TTC7A: variants seen among roughly 807,000 people sequenced by gnomAD.
TTC7A encodes the protein tetratricopeptide repeat domain 7A.
In TTC7A, 110 loss-of-function variants were observed where a neutral mutation model predicts 103.7. That is an observed-to-expected ratio of 1.06 (90% confidence interval 0.91 to 1.24). TTC7A has a LOEUF of 1.24. TTC7A is among the 50% of genes most tolerant of loss of function. TTC7A has a pLI of 0.00. For missense variants in TTC7A, 1,340 were observed against 1,116.3 expected (o/e 1.20, Z -2.86); for synonymous variants, 521 against 467.9 (o/e 1.11, Z -1.47).
At chr2:47,070,577 G>A (rs1241398303) in intron 19 of TTC7A, among the ~76,000 whole-genome samples, 1 of 152,216 alleles carries the variant, frequency 6.6e-6, no homozygotes, top group African/African-American at 2.4e-5. Context: ...GAGCCCCACA[G>A]TAACTAAGCG....
At chr2:46,995,793 A>G (rs1375229847) in intron 8 of TTC7A, among the ~76,000 whole-genome samples, 2 of 152,256 alleles carry the variant, frequency 1.3e-5, no homozygotes, top group Non-Finnish European at 2.9e-5. Flanking sequence ...GACACCAGAG[A>G]TGCCGCAGCA....
chr2:46,945,995 G>A (rs1476533977), intron 1 of TTC7A, among the ~76,000 whole-genome samples: 1 of 152,168 alleles, frequency 6.6e-6, no homozygotes, highest in Non-Finnish European at 1.5e-5. Context: ...GTGAATGGGT[G>A]GGTTGTGGAG....
intron 19 of TTC7A, 47 bp downstream of exon 19, chr2:47,061,018 AG>A (rs1683740955): frequency 2.0e-6 from 3 of 1,525,400 alleles, no homozygotes; most frequent in Non-Finnish European, 2.7e-6. Context: ...CCACAGCCTC[AG>A]GGCCCTTATC....
intron 7 of TTC7A, among the ~76,000 whole-genome samples, chr2:46,994,870 C>T (rs563626648): frequency 5.3e-5 from 8 of 152,346 alleles, no homozygotes; most frequent in Admixed American, 2.0e-4. Context: ...CTTCTTGCCC[C>T]AGCCATTCCC....
At chr2:47,046,593 G>C (rs7593339) in intron 16 of TTC7A, among the ~76,000 whole-genome samples, 162 bp downstream of exon 16, 1 of 152,048 alleles carries the variant, frequency 6.6e-6, no homozygotes, top group East Asian at 1.9e-4. Flanking sequence ...CCATAGTCCA[G>C]TTTGAACCTC....
chr2:46,945,658 T>C (rs1670871970), intron 1 of TTC7A, among the ~76,000 whole-genome samples: 1 of 152,256 alleles, frequency 6.6e-6, no homozygotes, highest in Admixed American at 6.5e-5. Flanking sequence ...CCCAAAGTGC[T>C]GGAATTATAG....
At chr2:47,061,750 G>A (rs1011438442) in intron 19 of TTC7A, among the ~76,000 whole-genome samples, 1 of 152,212 alleles carries the variant, frequency 6.6e-6, no homozygotes, top group African/African-American at 2.4e-5. Context: ...AGCTCTGACA[G>A]GTGATATACT....
chr2:46,958,768 A>G (rs1672124687), intron 3 of TTC7A, among the ~76,000 whole-genome samples: 1 of 152,122 alleles, frequency 6.6e-6, no homozygotes, highest in Non-Finnish European at 1.5e-5. Context: ...CAGGGTGTGC[A>G]TGATGTTGAT....
intron 3 of TTC7A, chr2:46,958,375 C>A: frequency 1.4e-6 from 1 of 696,718 alleles, no homozygotes; most frequent in Non-Finnish European, 2.3e-6. Context: ...CTCTTAGAAA[C>A]CCCTTCAGCC....
At chr2:46,923,658 G>A (rs1043442075) in intron 2 of TTC7A, among the ~76,000 whole-genome samples, 3 of 152,140 alleles carry the variant, frequency 2.0e-5, no homozygotes, top group South Asian at 2.1e-4. Flanking sequence ...TTGGGAGGCC[G>A]AGACAGGAGA....
intron 3 of TTC7A, among the ~76,000 whole-genome samples, chr2:46,963,075 C>G (rs1664385532): frequency 6.6e-6 from 1 of 152,236 alleles, no homozygotes; most frequent in African/African-American, 2.4e-5. Flanking sequence ...GCACCCACCC[C>G]TGGCTCTCTC....
chr2:46,953,753 A>G (rs1671602273), intron 2 of TTC7A, among the ~76,000 whole-genome samples: 1 of 151,886 alleles, frequency 6.6e-6, no homozygotes, highest in Non-Finnish European at 1.5e-5. Flanking sequence ...CATCGCATGC[A>G]GGCCTCCAAG....
chr2:46,977,662 G>C (rs1674009788), intron 4 of TTC7A, among the ~76,000 whole-genome samples: 1 of 152,194 alleles, frequency 6.6e-6, no homozygotes, highest in Non-Finnish European at 1.5e-5. Context: ...AGTAGAAATA[G>C]CTTGGAATCC....
chr2:47,024,555 G>A (rs562979958), intron 14 of TTC7A, among the ~76,000 whole-genome samples, 196 bp downstream of exon 14: 2 of 152,126 alleles, frequency 1.3e-5, no homozygotes, highest in African/African-American at 4.8e-5. Context: ...GGGTAAAGCC[G>A]TGGTGGGTAC....
At chr2:46,940,337 GT>G (rs1283879072), upstream of TTC7A, among the ~76,000 whole-genome samples, 2 of 152,178 alleles carry the variant, frequency 1.3e-5, no homozygotes, top group African/African-American at 4.8e-5. This position sits in a 1 kb window ranked among gnomAD's most constrained non-coding sequence, Gnocchi z 4.7. Context: ...AATGCCGGTG[GT>G]TTTTGGTTTC....
At chr2:47,023,713 T>C (rs547893747) in intron 13 of TTC7A, among the ~76,000 whole-genome samples, 20 of 152,038 alleles carry the variant, frequency 1.3e-4, no homozygotes, top group Middle Eastern at 3.4e-3. Flanking sequence ...GGCTCAGGGG[T>C]CTAAAATGGG....
intron 3 of TTC7A, among the ~76,000 whole-genome samples, chr2:46,957,824 C>G (rs896873467): frequency 1.3e-5 from 2 of 152,200 alleles, no homozygotes; most frequent in Admixed American, 1.3e-4. Flanking sequence ...TTGATCGTCT[C>G]CCTAGTGCAG....
rs66907808 is a variant in TTC7A at position 47,053,543 on chromosome 2, T to TTTGTTTGGTTGGTTGGTTGG, written c.2152+1666_2152+1667insTTTGGTTGGTTGGTTGGTTG. On this transcript the variant is annotated intron_variant, in intron 18 of 19. Transcript: ENST00000319190. ...TTTGGTGGGTTTTTTTGTTTGTTTG[T>TTTGTTTGGTTGGTTGGTTGG]TTGGTTGGTTGGTTGGTTGGTTGGT... 2.2e-3 allele frequency among the ~76,000 whole-genome samples: 309 copies of TTTGTTTGGTTGGTTGGTTGG among 140,232 alleles called. 1 individual carries two copies. The East Asian group carries it at 0.027, about 12-fold the overall frequency. 92.0% of individuals were successfully genotyped at this position (140,232 alleles called of 152,430 possible).
At chr2:46,931,746 A>G (rs989622870) in intron 2 of TTC7A, among the ~76,000 whole-genome samples, 1 of 151,554 alleles carries the variant, frequency 6.6e-6, no homozygotes, top group Non-Finnish European at 1.5e-5. Flanking sequence ...TCCCTGTCAA[A>G]TCATGAGTAG....
Sources: allele counts gnomAD v4.1 joint callset (sites outside exome capture counted in the v4.1 genomes callset), GRCh38; gene constraint gnomAD v4.1.1; non-coding constraint Gnocchi (gnomAD v3.1); transcripts MANE v1.5; gene names NCBI Gene and HGNC (gene_info 2026-07-23, HGNC 2026-07-21).